Variants in PDSS2 observed in about 807,000 individuals in gnomAD.
PDSS2 encodes the protein all trans-polyprenyl-diphosphate synthase PDSS2.
In PDSS2, 31 loss-of-function variants were observed where a neutral mutation model predicts 44.5. That is an observed-to-expected ratio of 0.70 (90% CI 0.52 to 0.94). The LOEUF (loss-of-function observed/expected upper bound fraction) is 0.94. Among genes scored for constraint, PDSS2 ranks in the 40% least tolerant of loss-of-function variants. The pLI is 0.00. For missense variants in PDSS2, 452 were observed against 482.2 expected, an observed-to-expected ratio of 0.94 and a Z score of 0.59; for synonymous variants, 157 against 180.3, an observed-to-expected ratio of 0.87 and a Z score of 1.03.
At chr6:107,240,321 A>C (rs985291247) in intron 4 of PDSS2, among the ~76,000 whole-genome samples, 2 of 151,472 alleles carry the variant, frequency 1.3e-5, no homozygotes, top group African/African-American at 4.9e-5. Context: ...GGACTGCTTG[A>C]GCCCAGGAGT....
intron 1 of PDSS2, among the ~76,000 whole-genome samples, chr6:107,435,281 AACACACACACACACACAC>A (rs57353175): frequency 2.2e-3 from 291 of 133,792 alleles, no homozygotes; most frequent in African/African-American, 5.8e-3. Flanking sequence ...ACTGCCTCAA[AACACACACACACACACAC>A]ACACACACAC....
At chr6:107,270,777 G>C (rs1369969412) in intron 3 of PDSS2, among the ~76,000 whole-genome samples, 1 of 151,992 alleles carries the variant, frequency 6.6e-6, no homozygotes, top group Admixed American at 6.6e-5. Context: ...CACTCACAAA[G>C]GCTTTATGTT....
intron 2 of PDSS2, among the ~76,000 whole-genome samples, chr6:107,320,966 A>T (rs1299260092): frequency 3.3e-5 from 5 of 152,166 alleles, no homozygotes; most frequent in Non-Finnish European, 7.3e-5. Context: ...CAACTCTGTG[A>T]TTTTCTTACA....
rs575139745 is a variant in PDSS2, at chr6:107,263,272, G to A, written c.630+10757C>T. Reference sequence around the variant, plus strand: ...GTTCAAGACCAGTCTTGCCAACATGGCGAAAACCCATCTCTATTAAAAATA... The same window carrying A: ...GTTCAAGACCAGTCTTGCCAACATGACGAAAACCCATCTCTATTAAAAATA... On this transcript the variant is annotated intron_variant, in intron 3 of 7. Coordinates refer to ENST00000369037, the MANE Select transcript of PDSS2 (RefSeq NM_020381.4). 1.7e-3 allele frequency among the ~76,000 whole-genome samples: 253 copies of A among 152,082 alleles called. 1 individual carries two copies. Among genetic ancestry groups the A allele is most frequent in the Non-Finnish European group, 3.1e-3 (210 of 68,026 alleles).
At chr6:107,299,174 C>CAAAA in intron 2 of PDSS2, among the ~76,000 whole-genome samples, 1 of 94,280 alleles carries the variant, frequency 1.1e-5, no homozygotes, top group East Asian at 3.2e-4. Context: ...AAAAAAGAAA[C>CAAAA]AAACATATAC....
intron 6 of PDSS2, among the ~76,000 whole-genome samples, chr6:107,198,127 A>G (rs1238406319): frequency 2.0e-5 from 3 of 152,198 alleles, no homozygotes; most frequent in African/African-American, 7.2e-5. Context: ...CATCTTGGAA[A>G]ATTCTAGTAC....
rs186879533 is a variant in PDSS2 at position 107,372,218 on chromosome 6, C to T, written c.297-37886G>A. Among the ~76,000 whole-genome samples, 105 of 152,186 alleles carry T rather than the reference C, an allele frequency of 6.9e-4. 1 individual carries two copies. Among genetic ancestry groups the T allele is most frequent in the African/African-American group, 2.3e-3 (96 of 41,530 alleles). On this transcript the variant is annotated intron_variant, in intron 1 of 7. Coordinates refer to ENST00000369037, the MANE Select transcript of PDSS2 (RefSeq NM_020381.4). ...CCCAGGCAAAGATTTTAGCAGGTAC[C>T]AGTTTTCTTTATTTTTTTTTCACCC... is the stretch of plus-strand genomic sequence containing the variant.
At chr6:107,363,633 A>ACAAAG (rs1216385526) in intron 1 of PDSS2, among the ~76,000 whole-genome samples, 1 of 152,198 alleles carries the variant, frequency 6.6e-6, no homozygotes, top group African/African-American at 2.4e-5. Flanking sequence ...GAGCGAAAGA[A>ACAAAG]CAAAGCTCCC....
chr6:107,339,798 G>T (rs1254125047), intron 1 of PDSS2, among the ~76,000 whole-genome samples: 1 of 152,056 alleles, frequency 6.6e-6, no homozygotes, highest in African/African-American at 2.4e-5. Context: ...AAGTGAAACT[G>T]GTGGCAGACA....
intron 1 of PDSS2, among the ~76,000 whole-genome samples, chr6:107,360,935 G>C (rs1425248241): frequency 1.3e-5 from 2 of 152,136 alleles, no homozygotes; most frequent in Non-Finnish European, 2.9e-5. Context: ...AAATTTAATT[G>C]CAAATGTTAG....
In PDSS2 at chr6:107,225,135, T is replaced by TTA. The variant is rs1554256022; in HGVS notation, c.703-12854_703-12853insTA. On this transcript the variant is annotated intron_variant, in intron 4 of 7. Coordinates refer to ENST00000369037, the MANE Select transcript of PDSS2 (RefSeq NM_020381.4). ...GAAGGAAGCTTCACTATATATATAT[T>TTA]TTTATATATATATATATATATATAT... is the stretch of plus-strand genomic sequence containing the variant. Among the ~76,000 whole-genome samples the TTA allele has an allele frequency of 5.5e-5, 2 of 36,494 alleles. 1 individual carries two copies. The highest frequency in any genetic ancestry group is 8.2e-5 in the Non-Finnish European group (2 of 24,490). 23.9% of individuals were successfully genotyped at this position (36,494 alleles called of 152,430 possible). A position where few individuals can be genotyped will look rare whatever the true frequency, so the allele number is the denominator to read the frequency against.
At chr6:107,225,823 C>T (rs1436473970) in intron 4 of PDSS2, among the ~76,000 whole-genome samples, 4 of 152,132 alleles carry the variant, frequency 2.6e-5, no homozygotes, top group Non-Finnish European at 5.9e-5. Context: ...GAAGACATTT[C>T]ACTTATTAGC....
chr6:107,406,042 T>G (rs374689825), intron 1 of PDSS2, among the ~76,000 whole-genome samples: 1 of 152,144 alleles, frequency 6.6e-6, no homozygotes, highest in East Asian at 1.9e-4. Flanking sequence ...GTACCTCCTA[T>G]ATTAATACAA....
chr6:107,238,207 A>C (rs1774294667), intron 4 of PDSS2, among the ~76,000 whole-genome samples: 1 of 152,182 alleles, frequency 6.6e-6, no homozygotes. Context: ...CAACACCAAC[A>C]TGAGTCAGAG....
intron 3 of PDSS2, among the ~76,000 whole-genome samples, chr6:107,268,942 AT>A (rs71012789): frequency 3.0e-4 from 45 of 147,584 alleles, no homozygotes; most frequent in East Asian, 1.2e-3. Context: ...AACAAATAGT[AT>A]TTTTTTTTTT....
intron 1 of PDSS2, among the ~76,000 whole-genome samples, chr6:107,413,539 A>G (rs952350288): frequency 3.9e-5 from 6 of 152,208 alleles, no homozygotes; most frequent in Non-Finnish European, 1.5e-5. Flanking sequence ...ATCTTGGCTC[A>G]CTGCAACCTC....
At chr6:107,185,648 A>G (rs909995658) in intron 7 of PDSS2, among the ~76,000 whole-genome samples, 2 of 152,216 alleles carry the variant, frequency 1.3e-5, no homozygotes, top group African/African-American at 4.8e-5. Flanking sequence ...TCTAAGCAAG[A>G]GTAGTCAACA....
chr6:107,433,832 C>CA (rs946200319), intron 1 of PDSS2, among the ~76,000 whole-genome samples: 22 of 152,296 alleles, frequency 1.4e-4, no homozygotes, highest in African/African-American at 5.1e-4. Flanking sequence ...AGTGAAAAGA[C>CA]AACCCACAGA....
chr6:107,214,708 T>C (rs1346738977), intron 4 of PDSS2, among the ~76,000 whole-genome samples: 5 of 152,180 alleles, frequency 3.3e-5, no homozygotes, highest in African/African-American at 1.2e-4. Context: ...AAAGGTCAGC[T>C]GAAATAGAGC....
Sources: gnomAD v4.1 joint callset for allele counts (sites outside exome capture counted in the v4.1 genomes callset) on GRCh38, gnomAD v4.1.1 for gene constraint, MANE v1.5 for transcripts, NCBI Gene and HGNC (gene_info 2026-07-23, HGNC 2026-07-21) for gene names.